The following NOP53 variants were observed in gnomAD, a reference collection of about 807,000 sequenced individuals.
The protein encoded by NOP53 is NOP53 ribosome biogenesis factor.
NOP53 carries 40 observed loss-of-function variants against 61.0 expected under a neutral mutation model. That is an observed-to-expected ratio of 0.66 (90% confidence interval 0.51 to 0.85). The LOEUF is 0.85. NOP53 is among the 40% of genes least tolerant of loss of function. The pLI is 0.00. For missense variants in NOP53, 689 were observed against 652.9 expected (o/e 1.06, Z -0.60); for synonymous variants, 308 against 289.5 (o/e 1.06, Z -0.65).
At position 47,756,512 on chromosome 19, in the gene NOP53, CCT is replaced by C. The variant is rs771857192; in HGVS notation, c.1297-11_1297-10del. On this transcript the variant is annotated splice_polypyrimidine_tract_variant and intron_variant, in intron 10 of 12. Coordinates refer to ENST00000246802, the MANE Select transcript of NOP53 (RefSeq NM_015710.5). ...TTCTGCCAGGCCCTGCTGAGGCCTC[CCT>C]CTCTGTCCTGTAGCCCGAGGGCAAC... 29 of 1,610,870 alleles carry C rather than the reference CCT, an allele frequency of 1.8e-5. No homozygotes were observed. Among genetic ancestry groups the C allele is most frequent in the Non-Finnish European group, 2.5e-5 (29 of 1,177,744 alleles).
At chr19:47,749,681 C>G (rs1396260419) in intron 2 of NOP53, among the ~76,000 whole-genome samples, 1 of 152,054 alleles carries the variant, frequency 6.6e-6, no homozygotes, top group Non-Finnish European at 1.5e-5. Flanking sequence ...AGTGGCCATC[C>G]TGGGTCCCAA....
rs1197436386 is a variant in NOP53, at chr19:47,751,023, C to T, written c.514C>T (p.Leu172Phe). 2.5e-5 allele frequency: 40 copies of T among 1,602,168 alleles called. No individual in the cohort carries two copies. Among genetic ancestry groups the T allele is most frequent in the Non-Finnish European group, 3.3e-5 (39 of 1,175,460 alleles). ...GGAGGTGCGCAGGGCCCAGGCCCGGCTCCTCAACCCTTCTGCAACAAGGGC... is the reference window on the plus strand; with the variant it reads ...GGAGGTGCGCAGGGCCCAGGCCCGGTTCCTCAACCCTTCTGCAACAAGGGC... ...PREVRRAQAR[L>F]LNPSATRAKP... Residue 172 changes from leucine to phenylalanine, a missense_variant, in exon 4 of 13, where the codon CTC (leucine) becomes TTC (phenylalanine). Physicochemically the swap from Leu to Phe is conservative, Grantham distance 22 (BLOSUM62 0). Transcript: ENST00000246802.
chr19:47,755,338 G>A lies in NOP53; in HGVS notation c.1054-10G>A, dbSNP rs776164141. On this transcript the variant is annotated splice_polypyrimidine_tract_variant and intron_variant, in intron 8 of 12. Coordinates refer to ENST00000246802, the MANE Select transcript of NOP53 (RefSeq NM_015710.5). Reference sequence around the variant, plus strand: ...CCGGCCTGAGCCCTGACCCTCCCCCGTCTCCACAGCGGGTACAGCAGGCCG... The same window carrying A: ...CCGGCCTGAGCCCTGACCCTCCCCCATCTCCACAGCGGGTACAGCAGGCCG... 33 of 1,487,088 alleles carry A rather than the reference G, an allele frequency of 2.2e-5. No homozygotes were observed. Among genetic ancestry groups the A allele is most frequent in the East Asian group, 5.4e-5 (2 of 37,228 alleles). The allele number at this position is 1,487,088 out of a possible 1,614,324, so 92.1% of individuals were successfully genotyped here.
Position 47,755,526 on chromosome 19 carries a change from G to A in NOP53, c.1229+3G>A, listed in dbSNP as rs371118328. Reference sequence around the variant, plus strand: ...CCCCGAAGGCTGGGGCGGCTCAAGTGAGAACCAGGCCGGGGGTTCTGGGAG... The same window carrying A: ...CCCCGAAGGCTGGGGCGGCTCAAGTAAGAACCAGGCCGGGGGTTCTGGGAG... On this transcript the variant is annotated splice_donor_region_variant and intron_variant, in intron 9 of 12. Coordinates refer to ENST00000246802, the MANE Select transcript of NOP53 (RefSeq NM_015710.5). 4.3e-4 allele frequency: 634 copies of A among 1,468,404 alleles called. 4 individuals are homozygous for A. In the African/African-American group the frequency reaches 8.4e-3, roughly 19 times the overall value. 91.0% of individuals were successfully genotyped at this position (1,468,404 alleles called of 1,614,324 possible). A position where few individuals can be genotyped will look rare whatever the true frequency, so the allele number is the denominator to read the frequency against.
intron 2 of NOP53, among the ~76,000 whole-genome samples, chr19:47,747,779 CTTTTTTTTTTT>C (rs750831883): frequency 7.0e-5 from 4 of 56,892 alleles, no homozygotes; most frequent in East Asian, 4.9e-4. Context: ...TTCTCTCTCT[CTTTTTTTTTTT>C]TTTTTTTTTT....
intron 1 of NOP53, 80 bp from the exon 2 acceptor site, chr19:47,746,887 A>G: frequency 8.7e-7 from 1 of 1,154,298 alleles, no homozygotes. Flanking sequence ...ACTAAGCGGA[A>G]GATGAAGGCT....
At chr19:47,749,775 C>T (rs904120247) in intron 2 of NOP53, among the ~76,000 whole-genome samples, 9 of 151,846 alleles carry the variant, frequency 5.9e-5, no homozygotes, top group African/African-American at 1.9e-4. Context: ...GAGATGAGAT[C>T]TCACTATGTT....
At position 47,754,538 on chromosome 19, in the gene NOP53, A is replaced by T; in HGVS notation, c.777A>T (p.Ser259=). ...PSFEDHQTLL[S]AAHEVELQRQ... is the part of the protein sequence containing the mutation. ...CTCCCGCCCCTCAGACCCTGCTCTC[A>T]GCGGCCCACGAGGTGGAGTTGCAGC... Residue 259 remains serine, a synonymous_variant, in exon 7 of 13, where the codon TCA becomes TCT. Transcript: ENST00000246802. This position sits in a 1 kb window ranked among gnomAD's most constrained non-coding sequence, Gnocchi z 4.2. 1.3e-6 allele frequency: 2 copies of T among 1,550,526 alleles called. No individual in the cohort carries two copies. Among genetic ancestry groups the T allele is most frequent in the Non-Finnish European group, 8.7e-7 (1 of 1,147,580 alleles).
Position 47,751,867 on chromosome 19 carries a change from C to T in NOP53, c.669+277C>T, listed in dbSNP as rs373502410. Among the ~76,000 whole-genome samples, 7 of 152,064 alleles carry T rather than the reference C, an allele frequency of 4.6e-5. No homozygotes were observed. In the East Asian group the frequency reaches 5.8e-4, roughly 13 times the overall value. ...CTGTAATCCCAGCACTTCGGGAGGC[C>T]GAGACAGGTGGATCACCTGAGGTCG... On this transcript the variant is annotated intron_variant, in intron 5 of 12. Coordinates refer to ENST00000246802, the MANE Select transcript of NOP53 (RefSeq NM_015710.5).
At chr19:47,746,451 C>G (rs558176651) in intron 1 of NOP53, 1 of 152,830 alleles carries the variant, frequency 6.5e-6, no homozygotes, top group Non-Finnish European at 1.5e-5. Flanking sequence ...GCAACCTCTG[C>G]CTCCTGGGTT....
At chr19:47,755,289 G>C in intron 8 of NOP53, 59 bp from the exon 9 acceptor site, 1 of 1,197,874 alleles carries the variant, frequency 8.3e-7, no homozygotes, top group South Asian at 1.6e-5. Flanking sequence ...TGTGTAGAGA[G>C]AAGGTCTCCC....
intron 10 of NOP53, 172 bp downstream of exon 10, chr19:47,755,994 G>A: frequency 1.7e-6 from 1 of 605,600 alleles, no homozygotes; most frequent in South Asian, 2.0e-5. Context: ...CAGGGTGAGG[G>A]GCCAGGCTAA....
In NOP53 at chr19:47,747,043, C is replaced by T. The variant is rs181093868; in HGVS notation, c.289+12C>T. On this transcript the variant is annotated intron_variant, in intron 2 of 12. Transcript: ENST00000246802. ...CTCCAAGGAAAAAGGTGAGGAGAGGCTTTTGTGGTGTGGAATGGCGGTTAT... is the reference window on the plus strand; with the variant it reads ...CTCCAAGGAAAAAGGTGAGGAGAGGTTTTTGTGGTGTGGAATGGCGGTTAT... The T allele has an allele frequency of 1.9e-6, 3 of 1,609,370 alleles. No homozygotes were observed. Among genetic ancestry groups the T allele is most frequent in the Non-Finnish European group, 8.5e-7 (1 of 1,175,950 alleles).
At chr19:47,746,061 G>T in intron 1 of NOP53, 1 of 479,814 alleles carries the variant, frequency 2.1e-6, no homozygotes, top group Non-Finnish European at 3.7e-6. Flanking sequence ...GCATAAATAC[G>T]TTCCATGCAT....
In NOP53 at chr19:47,746,963, C is replaced by T. The variant is rs756104998; in HGVS notation, c.225-4C>T. 20 of 1,612,476 alleles carry T rather than the reference C, an allele frequency of 1.2e-5. No individual in the cohort carries two copies. Among genetic ancestry groups the T allele is most frequent in the Non-Finnish European group, 1.5e-5 (18 of 1,178,692 alleles). On this transcript the variant is annotated splice_polypyrimidine_tract_variant and splice_region_variant and intron_variant, in intron 1 of 12. Transcript: ENST00000246802. ...GGCTGATGTTCTGCATTTCTGTCCC[C>T]CAGTGGCTTGTTGTCAGAGGCCCCA...
chr19:47,756,833 G>A (rs1967207511), intron 12 of NOP53, 89 bp downstream of exon 12: 1 of 1,518,718 alleles, frequency 6.6e-7, no homozygotes, highest in African/African-American at 1.4e-5. Flanking sequence ...CCAGAGTGTG[G>A]CTAGTGGCTG....
chr19:47,746,773 G>C, intron 1 of NOP53, 194 bp from the exon 2 acceptor site: 1 of 507,846 alleles, frequency 2.0e-6, no homozygotes, highest in South Asian at 2.3e-5. Flanking sequence ...AAAGTGCTGG[G>C]ATTACAGGCG....
chr19:47,756,587 G>A lies in NOP53; in HGVS notation c.1356G>A (p.Glu452=), dbSNP rs367817798. 1 of 1,614,076 alleles carries A rather than the reference G, an allele frequency of 6.2e-7. No homozygotes were observed. Among genetic ancestry groups the A allele is most frequent in the Non-Finnish European group, 8.5e-7 (1 of 1,179,994 alleles). ...GCTTCCAGAGGAGGAATATGATCGA[G>A]CCTCGAGAGAGAGCCAAGTAAGGGG... The part of the protein sequence containing the change: ...FKSFQRRNMI[E]PRERAKFKRK... Residue 452 remains glutamate (E), a synonymous_variant, in exon 11 of 13, where the codon GAG becomes GAA. Transcript: ENST00000246802.
At position 47,751,051 on chromosome 19, in the gene NOP53, A is replaced by G. The variant is rs146968654; in HGVS notation, c.542A>G (p.Lys181Arg). ...RLLNPSATRAKPGPQDTVERP... is the reference protein window; with the variant it reads ...RLLNPSATRARPGPQDTVERP... ...CTCAACCCTTCTGCAACAAGGGCCAAGCCCGGGCCCCAGGACACCGTAGAG... is the reference window on the plus strand; with the variant it reads ...CTCAACCCTTCTGCAACAAGGGCCAGGCCCGGGCCCCAGGACACCGTAGAG... The change falls in exon 4 of 13, where the codon AAG becomes AGG. Residue 181 changes from lysine to arginine, a missense_variant. Coordinates refer to ENST00000246802, the MANE Select transcript of NOP53 (RefSeq NM_015710.5). The G allele has an allele frequency of 1.9e-4, 308 of 1,608,376 alleles. 3 individuals are homozygous for G. In the East Asian group the frequency reaches 5.1e-3, roughly 27 times the overall value.
Sources: gnomAD v4.1 joint callset for allele counts (sites outside exome capture counted in the v4.1 genomes callset) on GRCh38, gnomAD v4.1.1 for gene constraint, Gnocchi (gnomAD v3.1) non-coding constraint, MANE v1.5 for transcripts, NCBI Gene and HGNC (gene_info 2026-07-23, HGNC 2026-07-21) for gene names.